USP34: variants seen among roughly 807,000 people sequenced by gnomAD.
USP34 encodes the protein ubiquitin carboxyl-terminal hydrolase 34.
A neutral mutation model predicts 460.3 loss-of-function variants in USP34; 70 were observed. The ratio of observed to expected loss-of-function variants is 0.15; its 90% CI spans 0.13 to 0.19. The LOEUF (loss-of-function observed/expected upper bound fraction) is 0.19, where lower values mean the gene tolerates loss of function less well. USP34 is among the 10% of genes least tolerant of loss of function. The pLI, the probability that USP34 is intolerant of heterozygous loss-of-function variation, is 1.00. For missense variants in USP34, 3,985 were observed against 4,236.2 expected, an observed-to-expected ratio of 0.94 and a Z score of 1.65; for synonymous variants, 1,647 against 1,405.3, an observed-to-expected ratio of 1.17 and a Z score of -3.85.
intron 69 of USP34, among the ~76,000 whole-genome samples, chr2:61,211,277 G>A (rs754573340): frequency 6.6e-6 from 1 of 152,156 alleles, no homozygotes; most frequent in Non-Finnish European, 1.5e-5. Flanking sequence ...AGGTTAAGGG[G>A]AATTAAGGGT....
At position 61,214,126 on chromosome 2, in the gene USP34, C is replaced by T; in HGVS notation, c.8616G>A (p.Leu2872=). 1 of 1,614,184 alleles carries T rather than the reference C, an allele frequency of 6.2e-7. No homozygotes were observed. Among genetic ancestry groups the T allele is most frequent in the Non-Finnish European group, 8.5e-7 (1 of 1,180,038 alleles). Residue 2872 remains leucine (L), a synonymous_variant, in exon 68 of 80, where the codon CTG becomes CTA. Coordinates refer to ENST00000398571, the MANE Select transcript of USP34 (RefSeq NM_014709.4). ...CCCACTGGATGTTCTGGTGAGAAGC[C>T]AGTTGTCGTGTGAATGCAGGAGACT... ...CEQSPAFTRQ[L]ASHQNIQWAF... is the part of the protein sequence containing the mutation.
chr2:61,399,365 G>T (rs983068283), intron 3 of USP34, among the ~76,000 whole-genome samples: 3 of 151,244 alleles, frequency 2.0e-5, no homozygotes, highest in African/African-American at 2.4e-5. Flanking sequence ...AAAAAATTGA[G>T]TTCTATCCTG....
chr2:61,421,253 G>C (rs182146575), intron 1 of USP34, among the ~76,000 whole-genome samples: 1 of 152,316 alleles, frequency 6.6e-6, no homozygotes, highest in East Asian at 1.9e-4. Context: ...CAGCAGCACT[G>C]ATTCCAGCCT....
chr2:61,268,291 T>A (rs1379607842), intron 41 of USP34, among the ~76,000 whole-genome samples: 2 of 151,548 alleles, frequency 1.3e-5, no homozygotes, highest in Non-Finnish European at 2.9e-5. Flanking sequence ...TTTCACCACA[T>A]CTAATGGTGA....
chr2:61,387,338 T>C (rs981583929), intron 5 of USP34, among the ~76,000 whole-genome samples: 1 of 151,404 alleles, frequency 6.6e-6, no homozygotes, highest in Admixed American at 6.6e-5. Flanking sequence ...GGTAGTAGGT[T>C]CCTGCAATCC....
At chr2:61,362,118 AC>A (rs1692293894) in intron 10 of USP34, among the ~76,000 whole-genome samples, 1 of 152,188 alleles carries the variant, frequency 6.6e-6, no homozygotes, top group South Asian at 2.1e-4. Flanking sequence ...CATATCTCAC[AC>A]CTACGTTGTA....
intron 1 of USP34, among the ~76,000 whole-genome samples, chr2:61,432,137 G>T (rs949619441): frequency 6.6e-6 from 1 of 151,434 alleles, no homozygotes; most frequent in Admixed American, 6.6e-5. Flanking sequence ...CCAGGTGTTT[G>T]AGACCAGCCT....
In USP34 at chr2:61,214,264, G is replaced by A. The variant is rs1212138791; in HGVS notation, c.8478C>T (p.Thr2826=). 3.1e-6 allele frequency: 5 copies of A among 1,614,058 alleles called. No individual in the cohort carries two copies. The African/African-American group carries it at 6.7e-5, about 22-fold the overall frequency. The part of the protein sequence containing the change: ...IRLIVQNPVV[T]KNIAFNYILA... Reference sequence around the variant, plus strand: ...GGATGTAATTGAAGGCAATGTTCTTGGTTACCACTGGGTTCTGAACAATAA... The same window carrying A: ...GGATGTAATTGAAGGCAATGTTCTTAGTTACCACTGGGTTCTGAACAATAA... Residue 2826 remains threonine (T), a synonymous_variant, in exon 68 of 80, where the codon ACC becomes ACT. Transcript: ENST00000398571.
intron 72 of USP34, 93 bp downstream of exon 72, chr2:61,205,924 C>A: frequency 1.1e-6 from 1 of 949,890 alleles, no homozygotes; most frequent in African/African-American, 1.6e-5. Flanking sequence ...GCACAAGTAT[C>A]TTTCAAACAC....
intron 28 of USP34, 79 bp from the exon 29 acceptor site, chr2:61,301,239 C>T: frequency 2.0e-6 from 3 of 1,519,658 alleles, no homozygotes; most frequent in Non-Finnish European, 2.7e-6. Context: ...TATAGAATCA[C>T]TTAAAATTTT....
At chr2:61,390,291 T>G (rs1187497112) in intron 5 of USP34, among the ~76,000 whole-genome samples, 2 of 152,206 alleles carry the variant, frequency 1.3e-5, no homozygotes, top group African/African-American at 4.8e-5. Flanking sequence ...GGCAAAGAGC[T>G]GAGGGCTGAG....
At chr2:61,465,512 T>C (rs887256721) in intron 1 of USP34, among the ~76,000 whole-genome samples, 29 of 152,228 alleles carry the variant, frequency 1.9e-4, no homozygotes, top group Admixed American at 3.3e-4. Flanking sequence ...AATACAAAGC[T>C]ATACTACCCA....
In USP34 at chr2:61,220,454, T is replaced by G. The variant is rs1174943523; in HGVS notation, c.7903A>C (p.Ile2635Leu). Reference protein sequence around the residue: ...SYILQRIWEVIEYNPSQCLDW... With the variant: ...SYILQRIWEVLEYNPSQCLDW... The stretch of plus-strand genomic sequence containing the variant: ...AGACACTGAGAAGGATTGTATTCAA[T>G]CACCTACAAATAACATGACAAGAAC... The change falls in exon 67 of 80, where the codon ATT becomes CTT. Residue 2635 changes from isoleucine to leucine, a missense_variant. Ile to Leu is a conservative substitution (Grantham distance 5). This residue lies in a region of USP34 where 604 missense variants were observed against 684.8 expected (regional missense o/e 0.88). Transcript: ENST00000398571. 1.2e-6 allele frequency: 2 copies of G among 1,609,978 alleles called. No homozygotes were observed. The highest frequency in any genetic ancestry group is 2.7e-5 in the African/African-American group (2 of 74,702).
In USP34 at chr2:61,415,754, T is replaced by TC. The variant is rs1394139414; in HGVS notation, c.131+4991dup. Among the ~76,000 whole-genome samples the TC allele has an allele frequency of 2.6e-5, 4 of 152,332 alleles. No individual in the cohort carries two copies. In the East Asian group the frequency reaches 5.8e-4, roughly 22 times the overall value. On this transcript the variant is annotated intron_variant, in intron 2 of 79. Transcript: ENST00000398571. The stretch of plus-strand genomic sequence containing the variant: ...TGTTGGTACACCAATATCATACATA[T>TC]CCTCCCACCATCTGAGCTTCTCTTA...
At chr2:61,450,598 C>G (rs978781566) in intron 1 of USP34, among the ~76,000 whole-genome samples, 1 of 151,828 alleles carries the variant, frequency 6.6e-6, no homozygotes, top group Admixed American at 6.6e-5. Flanking sequence ...CCTGTCTCTA[C>G]TAAAAATACC....
At chr2:61,376,073 A>C (rs1454910025) in intron 8 of USP34, among the ~76,000 whole-genome samples, 1 of 152,146 alleles carries the variant, frequency 6.6e-6, no homozygotes, top group Non-Finnish European at 1.5e-5. Flanking sequence ...ACTGGCTACA[A>C]ATGGGCAAAA....
intron 8 of USP34, among the ~76,000 whole-genome samples, chr2:61,372,563 C>T (rs1186735314): frequency 6.6e-6 from 1 of 152,062 alleles, no homozygotes; most frequent in African/African-American, 2.4e-5. Context: ...AAGCCTGTTT[C>T]CGCCAGGCAT....
intron 1 of USP34, among the ~76,000 whole-genome samples, chr2:61,444,184 G>A (rs1162782543): frequency 2.6e-5 from 4 of 152,206 alleles, no homozygotes; most frequent in South Asian, 2.1e-4. Flanking sequence ...GGGCCCAGAA[G>A]GTCAAGGTGA....
chr2:61,324,733 T>C (rs1269135236), intron 21 of USP34, among the ~76,000 whole-genome samples: 1 of 152,118 alleles, frequency 6.6e-6, no homozygotes, highest in East Asian at 1.9e-4. Flanking sequence ...ATCGCATCAC[T>C]GAACTCCAGC....
Sources: gnomAD v4.1 joint callset for allele counts (sites outside exome capture counted in the v4.1 genomes callset) on GRCh38, gnomAD v4.1.1 for gene constraint, gnomAD v4.1.1 regional missense constraint, MANE v1.5 for transcripts, NCBI Gene and HGNC (gene_info 2026-07-23, HGNC 2026-07-21) for gene names.